The following CHLSN variants were observed in gnomAD, a reference collection of about 807,000 sequenced individuals.
CHLSN encodes the protein protein cholesin.
chr7:1,079,118 A>G, the CHLSN span, among the ~76,000 whole-genome samples: 1 of 152,316 alleles, frequency 6.6e-6, no homozygotes, highest in Non-Finnish European at 1.5e-5. Context: ...AGGGAGGGCC[A>G]GGGTCACAAG....
At chr7:1,038,407 A>G in the CHLSN span, among the ~76,000 whole-genome samples, 1 of 84,422 alleles carries the variant, frequency 1.2e-5, no homozygotes, top group African/African-American at 5.3e-5. Flanking sequence ...CAGCCCGGCC[A>G]GCCACCCCGT....
At chr7:999,041 T>C in the CHLSN span, among the ~76,000 whole-genome samples, 1 of 152,238 alleles carries the variant, frequency 6.6e-6, no homozygotes, top group Non-Finnish European at 1.5e-5. Flanking sequence ...TTTGTGTGTT[T>C]GTAAATATGT....
the CHLSN span, among the ~76,000 whole-genome samples, chr7:1,007,568 AC>A: frequency 7.2e-5 from 11 of 151,942 alleles, no homozygotes; most frequent in African/African-American, 2.7e-4. Flanking sequence ...ACCCTTGGAG[AC>A]CCCCAGGAAA....
the CHLSN span, among the ~76,000 whole-genome samples, chr7:1,037,059 C>T: frequency 0.014 from 1,978 of 146,084 alleles, 82 homozygotes; most frequent in African/African-American, 0.041. Flanking sequence ...TGCAGTGAGC[C>T]GAGATCACAC....
At chr7:1,112,479 C>T in the CHLSN span, among the ~76,000 whole-genome samples, 4 of 152,186 alleles carry the variant, frequency 2.6e-5, no homozygotes, top group Non-Finnish European at 5.9e-5. Flanking sequence ...ACAGGAGTGC[C>T]CCACACAGAC....
the CHLSN span, among the ~76,000 whole-genome samples, chr7:1,129,429 C>T: frequency 5.5e-4 from 58 of 106,076 alleles, 3 homozygotes; most frequent in South Asian, 3.5e-3. Context: ...TCGGCTCATC[C>T]CACCGTCACC....
At chr7:1,089,862 C>A in the CHLSN span, among the ~76,000 whole-genome samples, 1 of 151,930 alleles carries the variant, frequency 6.6e-6, no homozygotes, top group African/African-American at 2.4e-5. Flanking sequence ...GCGGGCAGAT[C>A]ACTACAGGTC....
chr7:1,012,149 G>A, the CHLSN span, among the ~76,000 whole-genome samples: 1 of 152,230 alleles, frequency 6.6e-6, no homozygotes, highest in South Asian at 2.1e-4. Flanking sequence ...CATGGGCCAC[G>A]CAGTCCACGG....
At chr7:1,124,057 C>G in the CHLSN span, among the ~76,000 whole-genome samples, 1 of 152,236 alleles carries the variant, frequency 6.6e-6, no homozygotes, top group African/African-American at 2.4e-5. Context: ...GTGTTACAGA[C>G]CAGCAGAGTC....
At chr7:1,022,563 C>T in the CHLSN span, among the ~76,000 whole-genome samples, 1 of 152,178 alleles carries the variant, frequency 6.6e-6, no homozygotes. Context: ...GTGCCCTCCA[C>T]CACCTCCTCC....
At chr7:1,123,230 G>A in the CHLSN span, among the ~76,000 whole-genome samples, 819 of 152,354 alleles carry the variant, frequency 5.4e-3, 8 homozygotes, top group African/African-American at 0.019. The surrounding 1 kb of genome is among the most constrained non-coding windows in gnomAD (Gnocchi z 4.4). Context: ...GAACCGGAAC[G>A]CTGAAGGAAC....
the CHLSN span, among the ~76,000 whole-genome samples, chr7:1,063,620 C>T: frequency 1.1e-4 from 16 of 152,266 alleles, no homozygotes; most frequent in South Asian, 6.2e-4. Flanking sequence ...CAGCCTCAGC[C>T]GCGCACGCTC....
At chr7:1,138,141 C>T in the CHLSN span, 5 of 151,632 alleles carry the variant, frequency 3.3e-5, no homozygotes, top group South Asian at 2.0e-4. Context: ...TCTGGGTCTC[C>T]TGGCGCCCTG....
chr7:1,070,832 T>TAC, the CHLSN span, among the ~76,000 whole-genome samples: 1 of 70,870 alleles, frequency 1.4e-5, no homozygotes, highest in Non-Finnish European at 2.7e-5. Flanking sequence ...TGCACACATA[T>TAC]ACACACAACG....
At chr7:1,116,761 A>C in the CHLSN span, among the ~76,000 whole-genome samples, 12 of 43,842 alleles carry the variant, frequency 2.7e-4, no homozygotes, top group African/African-American at 7.8e-4. Flanking sequence ...CTCTACGGAC[A>C]GGCTTCCATC....
the CHLSN span, among the ~76,000 whole-genome samples, chr7:1,131,403 C>T: frequency 6.6e-6 from 1 of 152,084 alleles, no homozygotes; most frequent in Non-Finnish European, 1.5e-5. Flanking sequence ...AGGAGACAGT[C>T]AAAGAGCAAA....
the CHLSN span, among the ~76,000 whole-genome samples, chr7:1,033,143 C>T: frequency 2.0e-5 from 3 of 152,328 alleles, no homozygotes; most frequent in South Asian, 2.1e-4. Flanking sequence ...AACAAAACTA[C>T]GGACTAATAT....
the CHLSN span, among the ~76,000 whole-genome samples, chr7:1,131,505 T>C: frequency 1.3e-5 from 2 of 152,218 alleles, no homozygotes; most frequent in Non-Finnish European, 2.9e-5. Flanking sequence ...AATATTCCTA[T>C]TGTGGAATCA....
the CHLSN span, among the ~76,000 whole-genome samples, chr7:1,012,583 C>T: frequency 2.0e-5 from 3 of 152,240 alleles, no homozygotes; most frequent in East Asian, 3.9e-4. Context: ...GCCCAATTCC[C>T]GTGTCCCCGA....
Sources: gnomAD v4.1 joint callset for allele counts (sites outside exome capture counted in the v4.1 genomes callset) on GRCh38, gnomAD v4.1.1 for gene constraint, Gnocchi (gnomAD v3.1) non-coding constraint, MANE v1.5 for transcripts, NCBI Gene and HGNC (gene_info 2026-07-23, HGNC 2026-07-21) for gene names.